TNR: variants seen among roughly 807,000 people sequenced by gnomAD.
The protein encoded by TNR is tenascin R.
TNR carries 45 observed loss-of-function variants against 150.4 expected under a neutral mutation model. The observed-to-expected ratio is 0.30, with a 90% confidence interval of 0.24 to 0.38. TNR has a LOEUF of 0.38. Ranked by LOEUF, TNR falls within the 10% of genes least tolerant of loss-of-function variation. The pLI is 1.00. For synonymous variants in TNR, 687 were observed against 678.4 expected, an observed-to-expected ratio of 1.01 and a Z score of -0.20; for missense variants, 1,544 against 1,759.1, an observed-to-expected ratio of 0.88 and a Z score of 2.19.
At chr1:175,326,461 G>T (rs1649401676) in intron 21 of TNR, among the ~76,000 whole-genome samples, 1 of 152,068 alleles carries the variant, frequency 6.6e-6, no homozygotes, top group Non-Finnish European at 1.5e-5. Flanking sequence ...ATTTTATAGG[G>T]AAGGCTGACG....
intron 2 of TNR, among the ~76,000 whole-genome samples, chr1:175,526,800 C>T (rs1401466613): frequency 1.3e-5 from 2 of 152,234 alleles, no homozygotes; most frequent in Admixed American, 1.3e-4. Context: ...ATGAGGGGAC[C>T]TGGCTGCCTA....
At chr1:175,381,836 G>C (rs1002188625) in intron 8 of TNR, among the ~76,000 whole-genome samples, 9 of 152,318 alleles carry the variant, frequency 5.9e-5, no homozygotes, top group African/African-American at 1.9e-4. Flanking sequence ...TGAGTGATCC[G>C]GCCCTGCCTG....
At chr1:175,726,837 T>G (rs1201969188) in intron 1 of TNR, among the ~76,000 whole-genome samples, 1 of 152,208 alleles carries the variant, frequency 6.6e-6, no homozygotes, top group African/African-American at 2.4e-5. Flanking sequence ...GTAATGGCTG[T>G]TTTTCAGTGA....
chr1:175,652,484 GT>G (rs1225643251), intron 1 of TNR, among the ~76,000 whole-genome samples: 1 of 152,122 alleles, frequency 6.6e-6, no homozygotes, highest in Non-Finnish European at 1.5e-5. Context: ...ACTGATAATA[GT>G]TTGGATTTAT....
chr1:175,399,170 T>C (rs769897499), intron 4 of TNR, among the ~76,000 whole-genome samples: 2 of 152,184 alleles, frequency 1.3e-5, no homozygotes, highest in Non-Finnish European at 2.9e-5. Flanking sequence ...GAAAATTCTT[T>C]TTAAACAGGT....
intron 1 of TNR, among the ~76,000 whole-genome samples, chr1:175,574,890 C>T (rs989096196): frequency 1.3e-5 from 2 of 152,202 alleles, no homozygotes; most frequent in African/African-American, 2.4e-5. Context: ...GACTATCAGC[C>T]TATGTATTTA....
chr1:175,527,132 C>T (rs1442660383), intron 2 of TNR, among the ~76,000 whole-genome samples: 2 of 152,230 alleles, frequency 1.3e-5, no homozygotes, highest in African/African-American at 2.4e-5. Context: ...CGTTGGTACA[C>T]CCTGGTCCAC....
chr1:175,373,031 G>T (rs1428232808), intron 9 of TNR, among the ~76,000 whole-genome samples: 3 of 152,150 alleles, frequency 2.0e-5, no homozygotes, highest in Admixed American at 2.0e-4. Context: ...TTGGGTCAAA[G>T]ATTTTATTTT....
At chr1:175,509,234 T>TA (rs994010403) in intron 2 of TNR, among the ~76,000 whole-genome samples, 6 of 152,140 alleles carry the variant, frequency 3.9e-5, no homozygotes, top group Non-Finnish European at 7.4e-5. Flanking sequence ...TTGATAACAG[T>TA]AAAAAAAGAA....
chr1:175,554,235 T>G (rs986526287), intron 1 of TNR, among the ~76,000 whole-genome samples: 7 of 151,898 alleles, frequency 4.6e-5, no homozygotes, highest in Non-Finnish European at 1.0e-4. Flanking sequence ...TCATTTCTAC[T>G]TTACAGATGG....
At chr1:175,403,783 C>T (rs1481802103) in intron 3 of TNR, among the ~76,000 whole-genome samples, 167 bp from the exon 4 acceptor site, 1 of 152,214 alleles carries the variant, frequency 6.6e-6, no homozygotes. Flanking sequence ...AATATTTTCA[C>T]CTAGCATGGG....
intron 2 of TNR, among the ~76,000 whole-genome samples, chr1:175,467,065 C>T (rs141656561): frequency 4.2e-4 from 64 of 152,156 alleles, no homozygotes; most frequent in Middle Eastern, 6.8e-3. Flanking sequence ...TAGATTCGAC[C>T]CATCAGGGCA....
chr1:175,337,887 T>C (rs1188359044), intron 18 of TNR, among the ~76,000 whole-genome samples: 2 of 152,174 alleles, frequency 1.3e-5, no homozygotes, highest in African/African-American at 4.8e-5. Flanking sequence ...TCAGACAACA[T>C]ACAATTTCAT....
At chr1:175,525,103 T>C (rs921803438) in intron 2 of TNR, among the ~76,000 whole-genome samples, 12 of 152,204 alleles carry the variant, frequency 7.9e-5, no homozygotes, top group African/African-American at 2.9e-4. Context: ...GTTGCTATTC[T>C]CATGATGGTG....
At chr1:175,331,009 C>CT (rs1209704454) in intron 20 of TNR, among the ~76,000 whole-genome samples, 1 of 48,684 alleles carries the variant, frequency 2.1e-5, no homozygotes, top group South Asian at 8.4e-4. Flanking sequence ...TTCTTTCTTT[C>CT]TTTCTTTCTT....
chr1:175,547,812 C>G (rs562995281), intron 1 of TNR, among the ~76,000 whole-genome samples: 1 of 152,230 alleles, frequency 6.6e-6, no homozygotes, highest in South Asian at 2.1e-4. Flanking sequence ...GGGGCTATAG[C>G]ATAGGTGTAT....
At chr1:175,373,887 T>A (rs1652241385) in intron 9 of TNR, among the ~76,000 whole-genome samples, 1 of 152,196 alleles carries the variant, frequency 6.6e-6, no homozygotes, top group African/African-American at 2.4e-5. Context: ...TTGTCCTTTC[T>A]TTCCTCCTCT....
chr1:175,331,284 G>A (rs1219349196), intron 20 of TNR, among the ~76,000 whole-genome samples: 4 of 108,738 alleles, frequency 3.7e-5, no homozygotes, highest in Non-Finnish European at 5.1e-5. Context: ...TCTTTCCTTC[G>A]ACGGAATCTC....
intron 5 of TNR, among the ~76,000 whole-genome samples, chr1:175,395,620 G>A (rs942178354): frequency 3.3e-5 from 5 of 152,144 alleles, no homozygotes; most frequent in African/African-American, 4.8e-5. Flanking sequence ...TGTGCATGCA[G>A]GTTTTGCAGT....
Sources: gnomAD v4.1 joint callset for allele counts (sites outside exome capture counted in the v4.1 genomes callset) on GRCh38, gnomAD v4.1.1 for gene constraint, MANE v1.5 for transcripts, NCBI Gene and HGNC (gene_info 2026-07-23, HGNC 2026-07-21) for gene names.